The following SYCE3 variants were observed in gnomAD, a reference collection of about 807,000 sequenced individuals.
The protein encoded by SYCE3 is testis highly expressed gene 2 protein.
In SYCE3, 3 loss-of-function variants were observed where a neutral mutation model predicts 8.1. The ratio of observed to expected loss-of-function variants is 0.37; its 90% confidence interval spans 0.17 to 0.96. The LOEUF (loss-of-function observed/expected upper bound fraction) is 0.96, where lower values mean the gene tolerates loss of function less well. SYCE3 is among the 40% of genes least tolerant of loss of function. The probability of loss-of-function intolerance (pLI) is 0.41; values close to 1 mark genes in which losing one functional copy is unlikely to be tolerated. For missense variants in SYCE3, 83 were observed against 110.0 expected (o/e 0.75, Z 1.10); for synonymous variants, 36 against 38.7 (o/e 0.93, Z 0.26).
At chr22:50,560,035 G>C (rs999635949) in intron 1 of SYCE3, among the ~76,000 whole-genome samples, 3 of 152,212 alleles carry the variant, frequency 2.0e-5, no homozygotes, top group African/African-American at 7.2e-5. Context: ...GCTGGAACAA[G>C]AGCCCAATCG....
chr22:50,554,635 A>T (rs1268400887), intron 2 of SYCE3, among the ~76,000 whole-genome samples: 1 of 143,754 alleles, frequency 7.0e-6, no homozygotes, highest in African/African-American at 2.6e-5. Flanking sequence ...CGGAGGTTGC[A>T]GTGAGCTGAG....
chr22:50,554,095 T>A (rs2069835555), intron 2 of SYCE3, among the ~76,000 whole-genome samples: 1 of 150,700 alleles, frequency 6.6e-6, no homozygotes, highest in Non-Finnish European at 1.5e-5. Context: ...CTCGGGAGGC[T>A]GAGGCAGGAG....
In SYCE3 at chr22:50,556,391, GTCAGCA is replaced by G; in HGVS notation, c.9_14del (p.Ala4_Asp5del). 1 of 1,551,554 alleles carries G rather than the reference GTCAGCA, an allele frequency of 6.4e-7. No homozygotes were observed. The highest frequency in any genetic ancestry group is 8.7e-7 in the Non-Finnish European group (1 of 1,146,924). On this transcript the variant is annotated inframe_deletion, in exon 2 of 3. Coordinates refer to ENST00000406915, the MANE Select transcript of SYCE3 (RefSeq NM_001123225.3). ...TGTTGTCATAGTTTCTTTCCTCAGG[GTCAGCA>G]TCATCCATCTAGGCAATGCACAGAA... is the stretch of plus-strand genomic sequence containing the variant.
At chr22:50,562,109 G>T (rs1411358699) in intron 1 of SYCE3, among the ~76,000 whole-genome samples, 1 of 8,638 alleles carries the variant, frequency 1.2e-4, no homozygotes, top group South Asian at 1.6e-3. Flanking sequence ...GGGGAGCGGG[G>T]GAGGGGTGAG....
chr22:50,554,335 T>A (rs947256233), intron 2 of SYCE3, among the ~76,000 whole-genome samples: 1 of 152,128 alleles, frequency 6.6e-6, no homozygotes, highest in Non-Finnish European at 1.5e-5. Context: ...AGGAAAGACT[T>A]TCTAGGTGTC....
At chr22:50,552,581 C>T (rs552687251) in intron 2 of SYCE3, among the ~76,000 whole-genome samples, 1 of 152,038 alleles carries the variant, frequency 6.6e-6, no homozygotes, top group Non-Finnish European at 1.5e-5. Flanking sequence ...TCGCTTGAAC[C>T]CAGAAGGTGG....
At chr22:50,559,061 C>G (rs1318163558) in intron 1 of SYCE3, among the ~76,000 whole-genome samples, 2 of 152,058 alleles carry the variant, frequency 1.3e-5, no homozygotes, top group Non-Finnish European at 2.9e-5. Flanking sequence ...TTTCTTGGCT[C>G]TCTCCTTTAC....
rs757792995 is a variant in SYCE3 at position 50,557,802 on chromosome 22, A to G, written c.1-1397T>C. ...AAGGAATGAGCCAGGTAAGCATAAAACAGGGAGGGATGGGCCACAGATGCT... is the reference window on the plus strand; with the variant it reads ...AAGGAATGAGCCAGGTAAGCATAAAGCAGGGAGGGATGGGCCACAGATGCT... On this transcript the variant is annotated intron_variant, in intron 1 of 2. Coordinates refer to ENST00000406915, the MANE Select transcript of SYCE3 (RefSeq NM_001123225.3). Among the ~76,000 whole-genome samples, 14 of 152,316 alleles carry G rather than the reference A, an allele frequency of 9.2e-5. 1 individual carries two copies. The highest frequency in any genetic ancestry group is 3.4e-3 in the Middle Eastern group (1 of 294).
rs1287211187 is a variant in SYCE3 at position 50,556,345 on chromosome 22, G to T, written c.61C>A (p.Leu21Met). ...AATAGCTTTTCCAAGTCCTTATTCA[G>T]ATCTGACAGCATTTTCAGCATGTTG... The part of the protein sequence containing the change: ...YDNMLKMLSD[L>M]NKDLEKLLEE... The change falls in exon 2 of 3, where the codon CTG becomes ATG. Residue 21 changes from leucine (L) to methionine (M), a missense_variant. Transcript: ENST00000406915. 22 of 1,552,010 alleles carry T rather than the reference G, an allele frequency of 1.4e-5. No individual in the cohort carries two copies. The highest frequency in any genetic ancestry group is 1.8e-5 in the Non-Finnish European group (21 of 1,147,046).
chr22:50,553,927 C>G (rs1216677729), intron 2 of SYCE3, among the ~76,000 whole-genome samples: 1 of 151,982 alleles, frequency 6.6e-6, no homozygotes, highest in African/African-American at 2.4e-5. Flanking sequence ...GGTGCGGTGG[C>G]TCATTCCTGT....
chr22:50,557,368 C>G (rs1472610505), intron 1 of SYCE3, among the ~76,000 whole-genome samples: 1 of 152,092 alleles, frequency 6.6e-6, no homozygotes, highest in Non-Finnish European at 1.5e-5. Flanking sequence ...GTTGGCCAGG[C>G]TGGTCTCAAA....
intron 2 of SYCE3, 118 bp downstream of exon 2, chr22:50,556,179 A>G (rs6009994): frequency 0.046 from 30,729 of 667,354 alleles, 1,830 homozygotes; most frequent in African/African-American, 0.23. Flanking sequence ...CCAACCTTGA[A>G]CATATGTCCT....
intron 1 of SYCE3, among the ~76,000 whole-genome samples, chr22:50,561,221 A>G (rs1356466384): frequency 1.3e-5 from 2 of 152,112 alleles, no homozygotes; most frequent in African/African-American, 4.8e-5. Context: ...TGTAGTTTCT[A>G]TAAGTGGGGC....
rs984507880 is a variant in SYCE3 at position 50,551,368 on chromosome 22, C to A, written c.144G>T (p.Val48=). The change falls in exon 3 of 3, where the codon GTG becomes GTT. Residue 48 remains valine (V), a synonymous_variant. Transcript: ENST00000406915. ...QATWMAYDMV[V]MRTNPTLAES... ...CGGCCAGCGTAGGGTTGGTGCGCAT[C>A]ACCACCATGTCATAGGCCATCCAGG... is the stretch of plus-strand genomic sequence containing the variant. The A allele has an allele frequency of 6.4e-7, 1 of 1,550,898 alleles. No individual in the cohort carries two copies. Among genetic ancestry groups the A allele is most frequent in the Non-Finnish European group, 8.7e-7 (1 of 1,146,966 alleles).
chr22:50,551,537 GGGA>G, intron 2 of SYCE3, 135 bp from the exon 3 acceptor site: 1 of 890,306 alleles, frequency 1.1e-6, no homozygotes, highest in African/African-American at 1.7e-5. Flanking sequence ...AATTACTCTA[GGGA>G]GAGACAGCTG....
At chr22:50,554,260 G>A (rs974093495) in intron 2 of SYCE3, among the ~76,000 whole-genome samples, 1 of 151,166 alleles carries the variant, frequency 6.6e-6, no homozygotes, top group Non-Finnish European at 1.5e-5. Flanking sequence ...AGGATTAAAT[G>A]TTAAAAAGGA....
At chr22:50,558,775 T>G (rs541352320) in intron 1 of SYCE3, among the ~76,000 whole-genome samples, 22 of 152,292 alleles carry the variant, frequency 1.4e-4, no homozygotes, top group African/African-American at 4.6e-4. Context: ...CCCTCTCCTA[T>G]AGCTATTCCC....
chr22:50,561,558 T>TGGGGCCGGAGGAGTGTGGGGCGGGGGCGG (rs2069917785), intron 1 of SYCE3, among the ~76,000 whole-genome samples: 1 of 103,422 alleles, frequency 9.7e-6, no homozygotes, highest in African/African-American at 4.5e-5. Context: ...GGCGGGAGCG[T>TGGGGCCGGAGGAGTGTGGGGCGGGGGCGG]GGGGCGGGAG....
intron 2 of SYCE3, 54 bp from the exon 3 acceptor site, chr22:50,551,456 G>A: frequency 1.3e-6 from 2 of 1,515,342 alleles, no homozygotes; most frequent in South Asian, 1.2e-5. Context: ...GCAGCTCTGG[G>A]GTGCCCCAGA....
Sources: gnomAD v4.1 joint callset for allele counts (sites outside exome capture counted in the v4.1 genomes callset) on GRCh38, gnomAD v4.1.1 for gene constraint, MANE v1.5 for transcripts, NCBI Gene and HGNC (gene_info 2026-07-23, HGNC 2026-07-21) for gene names.